The following EPHA5 variants were observed in gnomAD, a reference collection of about 807,000 sequenced individuals.
The protein encoded by EPHA5 is ephrin type-A receptor 5.
EPHA5 carries 60 observed loss-of-function variants against 105.0 expected under a neutral mutation model. The observed-to-expected ratio is 0.57, with a 90% CI of 0.46 to 0.71. The LOEUF (loss-of-function observed/expected upper bound fraction) is 0.71. EPHA5 is among the 30% of genes least tolerant of loss of function. The pLI is 0.00. For missense variants in EPHA5, 1,218 were observed against 1,274.7 expected (o/e 0.96, Z 0.68); for synonymous variants, 513 against 449.1 (o/e 1.14, Z -1.80).
intron 3 of EPHA5, among the ~76,000 whole-genome samples, chr4:65,522,982 G>A (rs1274091732): frequency 1.3e-5 from 2 of 151,862 alleles, no homozygotes; most frequent in African/African-American, 4.8e-5. Flanking sequence ...AAAAAGAGGT[G>A]GTGAAAGGTA....
intron 1 of EPHA5, among the ~76,000 whole-genome samples, chr4:65,667,091 T>C (rs563685820): frequency 5.6e-4 from 85 of 152,308 alleles, no homozygotes; most frequent in Non-Finnish European, 1.0e-3. Context: ...ACATGAAATC[T>C]TTCTGCCCCC....
At chr4:65,330,758 G>A (rs1287189273) in intron 16 of EPHA5, 5 of 1,019,814 alleles carry the variant, frequency 4.9e-6, no homozygotes, top group African/African-American at 3.4e-5. Flanking sequence ...TTTAAATATA[G>A]CACAAATGGG....
intron 13 of EPHA5, among the ~76,000 whole-genome samples, chr4:65,349,408 A>G (rs2148848749): frequency 6.6e-6 from 1 of 152,226 alleles, no homozygotes; most frequent in Non-Finnish European, 1.5e-5. Flanking sequence ...GGGTGAAATT[A>G]TTATTCTCTT....
At chr4:65,426,196 A>G (rs918474144) in intron 5 of EPHA5, among the ~76,000 whole-genome samples, 3 of 152,146 alleles carry the variant, frequency 2.0e-5, no homozygotes, top group African/African-American at 4.8e-5. Context: ...CATCAAGTCA[A>G]CTATCTTTCC....
At chr4:65,615,109 A>C (rs1285314621) in intron 2 of EPHA5, among the ~76,000 whole-genome samples, 2 of 151,836 alleles carry the variant, frequency 1.3e-5, no homozygotes, top group Non-Finnish European at 3.0e-5. Context: ...GTATAAAATG[A>C]ACTGGAAAAA....
chr4:65,348,707 A>G (rs1273185208), intron 13 of EPHA5, among the ~76,000 whole-genome samples: 1 of 122,246 alleles, frequency 8.2e-6, no homozygotes, highest in Non-Finnish European at 1.7e-5. Context: ...TAAAATATAT[A>G]TGTGTGTGTA....
intron 7 of EPHA5, among the ~76,000 whole-genome samples, chr4:65,407,881 G>C (rs1424830942): frequency 6.6e-6 from 1 of 151,470 alleles, no homozygotes; most frequent in African/African-American, 2.4e-5. Context: ...TCAACCTTCC[G>C]AGTAGCTGGG....
chr4:65,359,560 T>C (rs942567240), intron 11 of EPHA5, among the ~76,000 whole-genome samples: 1 of 151,562 alleles, frequency 6.6e-6, no homozygotes, highest in Non-Finnish European at 1.5e-5. Context: ...AACTCCTTTT[T>C]TGGAGGTACT....
intron 1 of EPHA5, among the ~76,000 whole-genome samples, chr4:65,665,704 ATAT>A (rs1480922043): frequency 2.6e-4 from 40 of 152,284 alleles, no homozygotes; most frequent in African/African-American, 9.6e-4. Context: ...TCTCTGTCTT[ATAT>A]GAGTAAATGA....
At position 65,602,318 on chromosome 4, in the gene EPHA5, A is replaced by G. The variant is rs2149442416; in HGVS notation, c.247-14T>C. 7.0e-7 allele frequency: 1 copy of G among 1,426,894 alleles called. No individual in the cohort carries two copies. The highest frequency in any genetic ancestry group is 9.1e-7 in the Non-Finnish European group (1 of 1,095,924). 88.4% of individuals were successfully genotyped at this position (1,426,894 alleles called of 1,614,324 possible). On this transcript the variant is annotated splice_polypyrimidine_tract_variant and intron_variant, in intron 2 of 16. Coordinates refer to ENST00000613740, the MANE Select transcript of EPHA5 (RefSeq NM_001281766.3). ...AATCTCTTCCCACTGTACAATATAA[A>G]ATAGAAAGATAAAAAAAATTCAAAA...
chr4:65,344,981 G>A (rs974913767), intron 14 of EPHA5, among the ~76,000 whole-genome samples: 1 of 152,056 alleles, frequency 6.6e-6, no homozygotes, highest in Non-Finnish European at 1.5e-5. Context: ...TGAAATTTCT[G>A]GTATCACTTT....
chr4:65,591,854 A>G (rs1338968267), intron 3 of EPHA5, among the ~76,000 whole-genome samples: 2 of 144,512 alleles, frequency 1.4e-5, no homozygotes, highest in Non-Finnish European at 2.9e-5. Context: ...TTTTTTAGAT[A>G]CTAACTATTT....
At chr4:65,518,470 G>C (rs936219825) in intron 3 of EPHA5, among the ~76,000 whole-genome samples, 11 of 151,570 alleles carry the variant, frequency 7.3e-5, no homozygotes, top group Non-Finnish European at 1.3e-4. Flanking sequence ...CCATATTCCT[G>C]TTTCAAATTT....
rs370102965 is a variant in EPHA5 at position 65,496,434 on chromosome 4, G to A, written c.911-891C>T. Among the ~76,000 whole-genome samples the A allele has an allele frequency of 2.7e-3, 385 of 141,088 alleles. 1 individual carries two copies. Among genetic ancestry groups the A allele is most frequent in the African/African-American group, 9.8e-3 (371 of 37,672 alleles). The allele number at this position is 141,088 out of a possible 152,430, so 92.6% of individuals were successfully genotyped here. On this transcript the variant is annotated intron_variant, in intron 3 of 16. Transcript: ENST00000613740. ...GTGATATTCCCCTTCCTGTGTCCAT[G>A]TGATCTCATTGTTCAATTCCCACTT...
chr4:65,629,024 A>G (rs575985509), intron 2 of EPHA5, among the ~76,000 whole-genome samples: 8 of 152,348 alleles, frequency 5.3e-5, no homozygotes, highest in African/African-American at 1.9e-4. Context: ...ATGCTAAGAA[A>G]TAAGATGAAT....
At chr4:65,469,858 A>G (rs1014694719) in intron 5 of EPHA5, among the ~76,000 whole-genome samples, 3 of 152,186 alleles carry the variant, frequency 2.0e-5, no homozygotes, top group African/African-American at 7.2e-5. Flanking sequence ...AAATCTGTTC[A>G]CTTAGTAAGA....
intron 3 of EPHA5, among the ~76,000 whole-genome samples, chr4:65,595,619 C>T (rs1253509049): frequency 6.9e-6 from 1 of 145,684 alleles, no homozygotes; most frequent in Non-Finnish European, 1.5e-5. Context: ...CTAACTCTGT[C>T]ACCCAGGCTG....
intron 13 of EPHA5, among the ~76,000 whole-genome samples, chr4:65,351,013 T>C (rs1028944230): frequency 7.9e-6 from 1 of 126,752 alleles, no homozygotes; most frequent in African/African-American, 2.9e-5. Context: ...TATGTGTGTA[T>C]ACACAGACAC....
In EPHA5 at chr4:65,351,602, TA is replaced by T. The variant is rs748209436; in HGVS notation, c.2236-5del. ...CAGTGAACTGCCCATCGTTTTTCTG[TA>T]AAGACAATGTAGAAATATTAGTCTA... On this transcript the variant is annotated splice_polypyrimidine_tract_variant and splice_region_variant and intron_variant, in intron 12 of 16. Coordinates refer to ENST00000613740, the MANE Select transcript of EPHA5 (RefSeq NM_001281766.3). The T allele has an allele frequency of 9.3e-6, 15 of 1,612,990 alleles. No individual in the cohort carries two copies. The highest frequency in any genetic ancestry group is 1.2e-5 in the Non-Finnish European group (14 of 1,179,316).
Sources: allele counts gnomAD v4.1 joint callset (sites outside exome capture counted in the v4.1 genomes callset), GRCh38; gene constraint gnomAD v4.1.1; transcripts MANE v1.5; gene names NCBI Gene and HGNC (gene_info 2026-07-23, HGNC 2026-07-21).